The following CTHRC1 variants were observed in gnomAD, a reference collection of about 807,000 sequenced individuals.
The protein encoded by CTHRC1 is collagen triple helix repeat containing 1.
Under a neutral mutation model 25.9 loss-of-function variants are expected in CTHRC1, and 21 were observed. The observed-to-expected ratio is 0.81, with a 90% CI of 0.57 to 1.17. The LOEUF is 1.17. Ranked by LOEUF, CTHRC1 falls within the 50% of genes most tolerant of loss-of-function variation. CTHRC1 has a pLI of 0.00. For missense variants in CTHRC1, 281 were observed against 304.3 expected (o/e 0.92, Z 0.57); for synonymous variants, 109 against 113.1 (o/e 0.96, Z 0.23).
Position 103,378,241 on chromosome 8 carries a change from C to G in CTHRC1, c.587C>G (p.Ser196Cys), listed in dbSNP as rs748968872. 2 of 1,609,638 alleles carry G rather than the reference C, an allele frequency of 1.2e-6. No individual in the cohort carries two copies. Among genetic ancestry groups the G allele is most frequent in the Middle Eastern group, 3.3e-4 (2 of 6,072 alleles). Residue 196 changes from serine (S) to cysteine (C), a missense_variant and splice_region_variant, in exon 3 of 4, where the codon TCT becomes TGT. By Grantham distance (112) the Ser-to-Cys change is moderately radical. Coordinates refer to ENST00000330295, the MANE Select transcript of CTHRC1 (RefSeq NM_138455.4). ...ACAATTAATATTCATCGCACTTCTT[C>G]TGGTATGTAAAATTGTGACATTGCA... ...NSTINIHRTS[S>C]VEGLCEGIGA...
At chr8:103,376,966 G>A (rs1392314626) in intron 2 of CTHRC1, among the ~76,000 whole-genome samples, 1 of 152,142 alleles carries the variant, frequency 6.6e-6, no homozygotes, top group African/African-American at 2.4e-5. Flanking sequence ...TGATAGACTG[G>A]TTGTTTATTT....
At chr8:103,372,934 T>C (rs934872019) in intron 1 of CTHRC1, among the ~76,000 whole-genome samples, 3 of 152,238 alleles carry the variant, frequency 2.0e-5, no homozygotes, top group Non-Finnish European at 4.4e-5. Flanking sequence ...TAGTTCTGTA[T>C]TGGATTCAAA....
intron 3 of CTHRC1, among the ~76,000 whole-genome samples, chr8:103,381,962 C>T (rs1815919264): frequency 6.6e-6 from 1 of 151,318 alleles, no homozygotes; most frequent in Non-Finnish European, 1.5e-5. Flanking sequence ...TGCGCCAGTG[C>T]ACTCCAGCCT....
At chr8:103,374,210 A>T (rs1815763407) in intron 1 of CTHRC1, among the ~76,000 whole-genome samples, 1 of 152,230 alleles carries the variant, frequency 6.6e-6, no homozygotes, top group Non-Finnish European at 1.5e-5. Context: ...GGAGACACAA[A>T]TTGATTAGCA....
At position 103,378,158 on chromosome 8, in the gene CTHRC1, A is replaced by T. The variant is rs1472513530; in HGVS notation, c.504A>T (p.Gly168=). Residue 168 remains glycine (G), a synonymous_variant, in exon 3 of 4, where the codon GGA becomes GGT. Coordinates refer to ENST00000330295, the MANE Select transcript of CTHRC1 (RefSeq NM_138455.4). ...YFTFNGAECS[G]PLPIEAIIYL... is the part of the protein sequence containing the mutation. ...CATTCAATGGAGCTGAATGTTCAGG[A>T]CCTCTTCCCATTGAAGCTATAATTT... is the stretch of plus-strand genomic sequence containing the variant. 1.2e-6 allele frequency: 2 copies of T among 1,614,116 alleles called. No individual in the cohort carries two copies. The highest frequency in any genetic ancestry group is 8.5e-7 in the Non-Finnish European group (1 of 1,180,004).
intron 3 of CTHRC1, among the ~76,000 whole-genome samples, chr8:103,379,479 A>C (rs1472412813): frequency 3.9e-5 from 6 of 152,074 alleles, no homozygotes; most frequent in Non-Finnish European, 1.5e-5. Flanking sequence ...AAGAGTTAAA[A>C]AAAAAAAAAA....
intron 2 of CTHRC1, 101 bp downstream of exon 2, chr8:103,376,060 TAAA>T (rs72124849): frequency 4.4e-6 from 4 of 909,070 alleles, no homozygotes; most frequent in Admixed American, 2.1e-5. Flanking sequence ...CTAAAAGACT[TAAA>T]AAAGAGAAGT....
rs556757186 is a variant in CTHRC1, at chr8:103,371,736, C to G, written c.80C>G (p.Pro27Arg). The G allele has an allele frequency of 1.6e-3, 2,414 of 1,535,450 alleles. 26 individuals are homozygous for G. The highest frequency in any genetic ancestry group is 4.8e-4 in the Non-Finnish European group (548 of 1,141,648). The part of the protein sequence containing the change: ...LLLLLLQLPA[P>R]SSASEIPKGK... ...CTCCTGCTGCTGCAGCTGCCCGCGCCGTCGAGCGCCTCTGAGATCCCCAAG... is the reference window on the plus strand; with the variant it reads ...CTCCTGCTGCTGCAGCTGCCCGCGCGGTCGAGCGCCTCTGAGATCCCCAAG... The change falls in exon 1 of 4, where the codon CCG becomes CGG. Residue 27 changes from proline (P) to arginine (R), a missense_variant. Pro to Arg is a moderately radical substitution (Grantham distance 103, BLOSUM62 -2). Transcript: ENST00000330295.
chr8:103,373,803 T>A (rs2030219666), intron 1 of CTHRC1, among the ~76,000 whole-genome samples: 1 of 151,344 alleles, frequency 6.6e-6, no homozygotes, highest in African/African-American at 2.4e-5. Context: ...TGAGATCCAC[T>A]GATATATAAT....
At chr8:103,373,027 A>G (rs957349569) in intron 1 of CTHRC1, among the ~76,000 whole-genome samples, 2 of 152,188 alleles carry the variant, frequency 1.3e-5, no homozygotes, top group East Asian at 3.9e-4. Context: ...AAAGGGGACT[A>G]TGTGTTCAGG....
rs1815937356 is a variant in CTHRC1, at chr8:103,382,791, C to G, written c.*191C>G. 1 of 612,306 alleles carries G rather than the reference C, an allele frequency of 1.6e-6. No individual in the cohort carries two copies. The allele number at this position is 612,306 out of a possible 1,614,324, so 37.9% of individuals were successfully genotyped here. On this transcript the variant is annotated 3_prime_UTR_variant, in exon 4 of 4. Coordinates refer to ENST00000330295, the MANE Select transcript of CTHRC1 (RefSeq NM_138455.4). ...ATTTTGCTTCAATCAAAAGTGGTTT[C>G]AATATTTTTTTTAGTTGGTTAGAAT...
At position 103,375,759 on chromosome 8, in the gene CTHRC1, G is replaced by A; in HGVS notation, c.172G>A (p.Gly58Arg). 6.2e-7 allele frequency: 1 copy of A among 1,614,048 alleles called. No individual in the cohort carries two copies. The highest frequency in any genetic ancestry group is 8.5e-7 in the Non-Finnish European group (1 of 1,179,980). ...ATAGTATAATGGAATGTGCTTACAA[G>A]GGCCAGCAGGAGTGCCTGGTCGAGA... ...VDLYNGMCLQGPAGVPGRDGS... is the reference protein window; with the variant it reads ...VDLYNGMCLQRPAGVPGRDGS... Residue 58 changes from glycine (G) to arginine (R), a missense_variant, in exon 2 of 4, where the codon GGG (glycine) becomes AGG (arginine). Gly to Arg is a moderately radical substitution (Grantham distance 125). Transcript: ENST00000330295.
chr8:103,371,824 G>T lies in CTHRC1; in HGVS notation c.150+18G>T. ...TGGACCTGGTGAGTCCGAGGGAGCCGAGCCGGGACCGCCGCGCTGGTGGAG... is the reference window on the plus strand; with the variant it reads ...TGGACCTGGTGAGTCCGAGGGAGCCTAGCCGGGACCGCCGCGCTGGTGGAG... On this transcript the variant is annotated intron_variant, in intron 1 of 3. Coordinates refer to ENST00000330295, the MANE Select transcript of CTHRC1 (RefSeq NM_138455.4). 6.7e-7 allele frequency: 1 copy of T among 1,486,804 alleles called. No homozygotes were observed. The highest frequency in any genetic ancestry group is 8.9e-7 in the Non-Finnish European group (1 of 1,119,726). The allele number at this position is 1,486,804 out of a possible 1,614,324, so 92.1% of individuals were successfully genotyped here.
intron 3 of CTHRC1, 51 bp from the exon 4 acceptor site, chr8:103,382,407 A>G (rs769101248): frequency 6.3e-7 from 1 of 1,591,058 alleles, no homozygotes; most frequent in African/African-American, 1.3e-5. Flanking sequence ...TAACTAAAGG[A>G]TTTTGCTCTT....
chr8:103,377,969 G>A (rs1815835563), intron 2 of CTHRC1, 58 bp from the exon 3 acceptor site: 2 of 1,386,640 alleles, frequency 1.4e-6, no homozygotes, highest in Admixed American at 1.7e-5. Flanking sequence ...AGTCTCAAAA[G>A]CTCTTTTTAA....
At chr8:103,381,765 G>T (rs1284968835) in intron 3 of CTHRC1, among the ~76,000 whole-genome samples, 1 of 152,132 alleles carries the variant, frequency 6.6e-6, no homozygotes, top group African/African-American at 2.4e-5. Context: ...TTGGGAGGCC[G>T]AAGTGGGTAA....
Position 103,371,557 on chromosome 8 carries a change from C to T in CTHRC1, c.-100C>T. 2 of 1,312,776 alleles carry T rather than the reference C, an allele frequency of 1.5e-6. No homozygotes were observed. Among genetic ancestry groups the T allele is most frequent in the Non-Finnish European group, 2.1e-6 (2 of 964,962 alleles). 81.3% of individuals were successfully genotyped at this position (1,312,776 alleles called of 1,614,324 possible). A position where few individuals can be genotyped will look rare whatever the true frequency, so the allele number is the denominator to read the frequency against. On this transcript the variant is annotated 5_prime_UTR_variant, in exon 1 of 4. Coordinates refer to ENST00000330295, the MANE Select transcript of CTHRC1 (RefSeq NM_138455.4). The stretch of plus-strand genomic sequence containing the variant: ...GCGGGTGAAAGGCGCATTGATGCAG[C>T]CTGCGGCGGCCTCGGAGCGCGGCGG...
chr8:103,382,476 G>A lies in CTHRC1; in HGVS notation c.608G>A (p.Gly203Glu), dbSNP rs74496760. 1.7e-4 allele frequency: 280 copies of A among 1,613,836 alleles called. No homozygotes were observed. In the African/African-American group the frequency reaches 3.3e-3, roughly 19 times the overall value. The change falls in exon 4 of 4, where the codon GGA (glycine) becomes GAA (glutamate). Residue 203 changes from glycine (G) to glutamate (E), a missense_variant. By Grantham distance (98) the Gly-to-Glu change is moderately conservative. Coordinates refer to ENST00000330295, the MANE Select transcript of CTHRC1 (RefSeq NM_138455.4). ...CTTGCAGTGGAAGGACTTTGTGAAG[G>A]AATTGGTGCTGGATTAGTGGATGTT... ...RTSSVEGLCE[G>E]IGAGLVDVAI...
chr8:103,378,394 A>G (rs1273335455), intron 3 of CTHRC1, 151 bp downstream of exon 3: 3 of 702,568 alleles, frequency 4.3e-6, no homozygotes, highest in Non-Finnish European at 7.6e-6. Context: ...GTACTTCTGC[A>G]TTACCTCTCG....
Sources: allele counts gnomAD v4.1 joint callset (sites outside exome capture counted in the v4.1 genomes callset), GRCh38; gene constraint gnomAD v4.1.1; transcripts MANE v1.5; gene names NCBI Gene and HGNC (gene_info 2026-07-23, HGNC 2026-07-21).